The following PIWIL4 variants were observed in gnomAD, a reference collection of about 807,000 sequenced individuals.
PIWIL4 encodes piwi like RNA-mediated gene silencing 4.
In PIWIL4, 50 loss-of-function variants were observed where a neutral mutation model predicts 100.9. That is an observed-to-expected ratio of 0.50 (90% CI 0.39 to 0.63). The LOEUF is 0.63. PIWIL4 is among the 20% of genes least tolerant of loss of function. PIWIL4 has a pLI of 0.00. For synonymous variants in PIWIL4, 342 were observed against 367.5 expected, an observed-to-expected ratio of 0.93 and a Z score of 0.79; for missense variants, 887 against 1,043.3, an observed-to-expected ratio of 0.85 and a Z score of 2.06.
intron 11 of PIWIL4, among the ~76,000 whole-genome samples, chr11:94,599,465 G>T (rs1948605980): frequency 6.6e-6 from 1 of 152,196 alleles, no homozygotes; most frequent in African/African-American, 2.4e-5. Context: ...AGGGTACATT[G>T]TCCTGGGTCT....
intron 4 of PIWIL4, among the ~76,000 whole-genome samples, chr11:94,579,213 C>G (rs1298431308): frequency 6.6e-6 from 1 of 152,174 alleles, no homozygotes; most frequent in Non-Finnish European, 1.5e-5. Context: ...GTTTATTTAA[C>G]TACTTGCTCG....
At position 94,567,558 on chromosome 11, in the gene PIWIL4, C is replaced by T. The variant is rs1298697953; in HGVS notation, c.40C>T (p.Arg14Cys). The change falls in exon 1 of 20, where the codon CGC becomes TGC. Residue 14 changes from arginine (R) to cysteine (C), a missense_variant. By Grantham distance (180) the Arg-to-Cys change is radical. Transcript: ENST00000299001. ...RARVKARGIA[R>C]SPSATEVGRI... The stretch of plus-strand genomic sequence containing the variant: ...CCGAGTGAAGGCCAGAGGCATCGCC[C>T]GCAGCCCCAGTGCCACAGAAGTGGG... 4 of 1,606,570 alleles carry T rather than the reference C, an allele frequency of 2.5e-6. No individual in the cohort carries two copies. The highest frequency in any genetic ancestry group is 1.3e-5 in the African/African-American group (1 of 75,044).
In PIWIL4 at chr11:94,595,332, G is replaced by T; in HGVS notation, c.1174G>T (p.Asp392Tyr). The T allele has an allele frequency of 6.2e-7, 1 of 1,613,932 alleles. No individual in the cohort carries two copies. Among genetic ancestry groups the T allele is most frequent in the South Asian group, 1.1e-5 (1 of 91,068 alleles). ...AGGGCTGACTGACCAGGCAACATCT[G>T]ATTTCCAGCTGATGAAGGCTGTGGC... ...LTGLTDQATS[D>Y]FQLMKAVAEK... The change falls in exon 10 of 20, where the codon GAT (aspartate) becomes TAT (tyrosine). Residue 392 changes from aspartate to tyrosine, a missense_variant. By Grantham distance (160) the Asp-to-Tyr change is radical. This residue lies in a region of PIWIL4 where 741 missense variants were observed against 930.0 expected (regional missense o/e 0.80). Transcript: ENST00000299001.
At chr11:94,568,200 C>T (rs1948102559) in intron 1 of PIWIL4, among the ~76,000 whole-genome samples, 1 of 152,090 alleles carries the variant, frequency 6.6e-6, no homozygotes, top group Non-Finnish European at 1.5e-5. Context: ...AAGTGGTCTT[C>T]TCTGGACTTT....
intron 12 of PIWIL4, among the ~76,000 whole-genome samples, chr11:94,602,611 A>G (rs927355296): frequency 2.0e-5 from 3 of 152,218 alleles, no homozygotes; most frequent in African/African-American, 7.2e-5. Flanking sequence ...ATACAATCAC[A>G]CTGAAAATAA....
intron 17 of PIWIL4, among the ~76,000 whole-genome samples, chr11:94,618,377 G>C (rs1213755573): frequency 6.6e-6 from 1 of 152,202 alleles, no homozygotes; most frequent in Admixed American, 6.5e-5. Context: ...AGCTGACACA[G>C]ATTCAGCATG....
intron 7 of PIWIL4, 76 bp downstream of exon 7, chr11:94,587,323 G>C: frequency 2.8e-6 from 4 of 1,418,688 alleles, no homozygotes; most frequent in Non-Finnish European, 3.9e-6. Context: ...AATAGTGTTG[G>C]AGTATTGGCC....
chr11:94,577,519 T>C, intron 4 of PIWIL4, 27 bp downstream of exon 4: 1 of 1,554,644 alleles, frequency 6.4e-7, no homozygotes, highest in Non-Finnish European at 8.8e-7. Flanking sequence ...TTTTTTACTG[T>C]ATATGTGGGT....
At chr11:94,593,330 A>T (rs777578631) in intron 8 of PIWIL4, among the ~76,000 whole-genome samples, 188 bp from the exon 9 acceptor site, 1 of 152,182 alleles carries the variant, frequency 6.6e-6, no homozygotes, top group Non-Finnish European at 1.5e-5. Context: ...AAAGATAATT[A>T]AAATAATAAA....
intron 15 of PIWIL4, among the ~76,000 whole-genome samples, chr11:94,610,166 C>T (rs1389227594): frequency 4.0e-5 from 6 of 151,684 alleles, no homozygotes; most frequent in Admixed American, 6.6e-5. Context: ...ATATAATGTC[C>T]GTGGGTTCAT....
At chr11:94,605,438 C>T (rs1392476930) in intron 13 of PIWIL4, among the ~76,000 whole-genome samples, 1 of 152,166 alleles carries the variant, frequency 6.6e-6, no homozygotes, top group Non-Finnish European at 1.5e-5. Context: ...CAGCAATGAT[C>T]CTATATTCTA....
Position 94,573,412 on chromosome 11 carries a change from A to G in PIWIL4, c.167-1587A>G, listed in dbSNP as rs530936800. ...CCAGTTTTTGCCCCTTCAGTATGATATTGGCTGTGGGTTTGTCATAGATAG... is the reference window on the plus strand; with the variant it reads ...CCAGTTTTTGCCCCTTCAGTATGATGTTGGCTGTGGGTTTGTCATAGATAG... On this transcript the variant is annotated intron_variant, in intron 2 of 19. Transcript: ENST00000299001. Among the ~76,000 whole-genome samples, 205 of 152,228 alleles carry G rather than the reference A, an allele frequency of 1.3e-3. 2 individuals are homozygous for G. The highest frequency in any genetic ancestry group is 4.7e-3 in the African/African-American group (194 of 41,534).
chr11:94,575,089 G>C lies in PIWIL4; in HGVS notation c.257G>C (p.Cys86Ser). 1 of 1,613,838 alleles carries C rather than the reference G, an allele frequency of 6.2e-7. No homozygotes were observed. The highest frequency in any genetic ancestry group is 8.5e-7 in the Non-Finnish European group (1 of 1,179,910). Residue 86 changes from cysteine (C) to serine (S), a missense_variant, in exon 3 of 20, where the codon TGT (cysteine) becomes TCT (serine). This residue lies in a region of PIWIL4 where 146 missense variants were observed against 113.4 expected (regional missense o/e 1.29). Coordinates refer to ENST00000299001, the MANE Select transcript of PIWIL4 (RefSeq NM_152431.3). The stretch of plus-strand genomic sequence containing the variant: ...CAGGACTTTATGGATTTGAGTATCT[G>C]TACCAGAGAAAAATTGGCACATGTG... ...NKQDFMDLSI[C>S]TREKLAHVRN...
At chr11:94,605,164 A>G (rs7952226) in intron 13 of PIWIL4, among the ~76,000 whole-genome samples, 2,094 of 152,326 alleles carry the variant, frequency 0.014, 48 homozygotes, top group African/African-American at 0.048. Flanking sequence ...AGCATATGAC[A>G]ATCATCAAAA....
In PIWIL4 at chr11:94,567,465, A is replaced by T. The variant is rs1948089747; in HGVS notation, c.-54A>T. On this transcript the variant is annotated 5_prime_UTR_variant, in exon 1 of 20. Coordinates refer to ENST00000299001, the MANE Select transcript of PIWIL4 (RefSeq NM_152431.3). ...TCGCCATCTGTAGCCAAAGCAAAAC[A>T]TATCCTAACTGAGACTTTGCAGCTC... The T allele has an allele frequency of 4.2e-6, 6 of 1,433,456 alleles. No individual in the cohort carries two copies. Among genetic ancestry groups the T allele is most frequent in the Non-Finnish European group, 5.6e-6 (6 of 1,074,498 alleles). The allele number at this position is 1,433,456 out of a possible 1,614,324, so 88.8% of individuals were successfully genotyped here.
intron 15 of PIWIL4, among the ~76,000 whole-genome samples, chr11:94,610,877 T>C (rs937642134): frequency 1.3e-5 from 2 of 152,192 alleles, no homozygotes; most frequent in Non-Finnish European, 2.9e-5. Context: ...TCATGGAGCT[T>C]TATGTTTTCT....
rs776624944 is a variant in PIWIL4, at chr11:94,621,038, T to C, written c.*46T>C. 7.9e-6 allele frequency: 11 copies of C among 1,388,438 alleles called. No individual in the cohort carries two copies. Among genetic ancestry groups the C allele is most frequent in the South Asian group, 5.9e-5 (5 of 85,344 alleles). 86.0% of individuals were successfully genotyped at this position (1,388,438 alleles called of 1,614,324 possible). A position where few individuals can be genotyped will look rare whatever the true frequency, so the allele number is the denominator to read the frequency against. ...ACTAGATGGACAATCCAAGAAGAAA[T>C]TGGTATACTTTGTGCAAATCTGCCA... On this transcript the variant is annotated 3_prime_UTR_variant, in exon 20 of 20. Transcript: ENST00000299001.
chr11:94,601,649 G>A (rs1274670119), intron 11 of PIWIL4, 146 bp from the exon 12 acceptor site: 1 of 759,376 alleles, frequency 1.3e-6, no homozygotes. Context: ...CTGTTCGGAT[G>A]TGCAGTGCCT....
intron 9 of PIWIL4, 112 bp downstream of exon 9, chr11:94,593,753 A>G: frequency 2.4e-6 from 3 of 1,234,842 alleles, no homozygotes; most frequent in Non-Finnish European, 3.3e-6. Flanking sequence ...GATTTAACCC[A>G]TGGAGGATGG....
Sources: allele counts gnomAD v4.1 joint callset (sites outside exome capture counted in the v4.1 genomes callset), GRCh38; gene constraint gnomAD v4.1.1; regional missense constraint gnomAD v4.1.1; transcripts MANE v1.5; gene names NCBI Gene and HGNC (gene_info 2026-07-23, HGNC 2026-07-21).